UBXN10: variants seen among roughly 807,000 people sequenced by gnomAD.
UBXN10 encodes the protein UBX domain protein 10, also known as UBX domain-containing protein 10.
Under a neutral mutation model 6.9 loss-of-function variants are expected in UBXN10, and 6 were observed. The ratio of observed to expected loss-of-function variants is 0.87; its 90% CI spans 0.48 to 1.72. The LOEUF (loss-of-function observed/expected upper bound fraction) is 1.72. Ranked by LOEUF, UBXN10 falls within the 40% of genes most tolerant of loss-of-function variation. The pLI is 0.01. For missense variants in UBXN10, 317 were observed against 348.4 expected (o/e 0.91, Z 0.72); for synonymous variants, 131 against 135.2 (o/e 0.97, Z 0.21).
Position 20,190,865 on chromosome 1 carries a change from C to G in UBXN10, c.304C>G (p.Gln102Glu), listed in dbSNP as rs2018484018. 1 of 1,614,062 alleles carries G rather than the reference C, an allele frequency of 6.2e-7. No homozygotes were observed. Among genetic ancestry groups the G allele is most frequent in the African/African-American group, 1.3e-5 (1 of 75,038 alleles). Reference protein sequence around the residue: ...ASDEIPELQQQVPTGASSSLN... With the variant: ...ASDEIPELQQEVPTGASSSLN... ...TGATGAGATCCCTGAGCTGCAGCAG[C>G]AAGTACCCACTGGGGCTTCCTCTTC... Residue 102 changes from glutamine (Q) to glutamate (E), a missense_variant, in exon 2 of 2, where the codon CAA (glutamine) becomes GAA (glutamate). By Grantham distance (29) the Gln-to-Glu change is conservative. Transcript: ENST00000375099.
chr1:20,191,052 G>A lies in UBXN10; in HGVS notation c.491G>A (p.Arg164Lys). Reference sequence around the variant, plus strand: ...ATGAAGACAAGTGAAGAAGATTCCAGAGCTCGAGCTTGTGCCGTGGAGAGG... The same window carrying A: ...ATGAAGACAAGTGAAGAAGATTCCAAAGCTCGAGCTTGTGCCGTGGAGAGG... ...GTMKTSEEDS[R>K]ARACAVERKF... Residue 164 changes from arginine (R) to lysine (K), a missense_variant, in exon 2 of 2, where the codon AGA becomes AAA. Physicochemically the swap from Arg to Lys is conservative, Grantham distance 26 (BLOSUM62 2). Coordinates refer to ENST00000375099, the MANE Select transcript of UBXN10 (RefSeq NM_152376.5). This position sits in a 1 kb window ranked among gnomAD's most constrained non-coding sequence, Gnocchi z 4.5. 1 of 1,614,126 alleles carries A rather than the reference G, an allele frequency of 6.2e-7. No individual in the cohort carries two copies. The highest frequency in any genetic ancestry group is 1.7e-5 in the Admixed American group (1 of 60,018).
Position 20,194,448 on chromosome 1 carries a change from G to A in UBXN10, c.*3044G>A, listed in dbSNP as rs1277222505. ...GCCTTCAAGGCAGGGCACTCCTGCGGAAGAGATGGCTTGTGAACATGACTG... is the reference window on the plus strand; with the variant it reads ...GCCTTCAAGGCAGGGCACTCCTGCGAAAGAGATGGCTTGTGAACATGACTG... On this transcript the variant is annotated 3_prime_UTR_variant, in exon 2 of 2. Coordinates refer to ENST00000375099, the MANE Select transcript of UBXN10 (RefSeq NM_152376.5). 1 of 167,108 alleles carries A rather than the reference G, an allele frequency of 6.0e-6. No homozygotes were observed. Among genetic ancestry groups the A allele is most frequent in the East Asian group, 1.9e-4 (1 of 5,200 alleles). 10.4% of individuals were successfully genotyped at this position (167,108 alleles called of 1,614,324 possible). A position where few individuals can be genotyped will look rare whatever the true frequency, so the allele number is the denominator to read the frequency against.
chr1:20,195,654 G>A lies in UBXN10; in HGVS notation c.*4250G>A, dbSNP rs890029111. 1 of 167,126 alleles carries A rather than the reference G, an allele frequency of 6.0e-6. No homozygotes were observed. Among genetic ancestry groups the A allele is most frequent in the Admixed American group, 6.5e-5 (1 of 15,292 alleles). The allele number at this position is 167,126 out of a possible 1,614,324, so 10.4% of individuals were successfully genotyped here. ...ACCACGGCAGCAAAGCACATGGCAG[G>A]CAGGGGAAAGACACTGACCAGCAGG... On this transcript the variant is annotated 3_prime_UTR_variant, in exon 2 of 2. Transcript: ENST00000375099.
chr1:20,189,379 G>A (rs1418337277), intron 1 of UBXN10, among the ~76,000 whole-genome samples: 1 of 152,132 alleles, frequency 6.6e-6, no homozygotes, highest in Non-Finnish European at 1.5e-5. Flanking sequence ...TGGAGATTGG[G>A]AGGAGGAGGT....
Position 20,195,591 on chromosome 1 carries a change from C to T in UBXN10, c.*4187C>T, listed in dbSNP as rs1365135849. ...GACTTAGCTTGACCAATATCGCCAA[C>T]GTGGATTGTTTCTGCAAAAACAAAC... is the stretch of plus-strand genomic sequence containing the variant. On this transcript the variant is annotated 3_prime_UTR_variant, in exon 2 of 2. Coordinates refer to ENST00000375099, the MANE Select transcript of UBXN10 (RefSeq NM_152376.5). 6.0e-6 allele frequency: 1 copy of T among 167,066 alleles called. No individual in the cohort carries two copies. Among genetic ancestry groups the T allele is most frequent in the Non-Finnish European group, 1.5e-5 (1 of 68,122 alleles). 10.3% of individuals were successfully genotyped at this position (167,066 alleles called of 1,614,324 possible). A position where few individuals can be genotyped will look rare whatever the true frequency, so the allele number is the denominator to read the frequency against.
intron 1 of UBXN10, among the ~76,000 whole-genome samples, chr1:20,189,043 A>G (rs1315266070): frequency 1.3e-5 from 2 of 152,200 alleles, no homozygotes; most frequent in African/African-American, 2.4e-5. Context: ...TAATACCTCT[A>G]AGATCATTTA....
At chr1:20,186,673 T>A (rs2018402335) in intron 1 of UBXN10, among the ~76,000 whole-genome samples, 1 of 152,158 alleles carries the variant, frequency 6.6e-6, no homozygotes. Context: ...CCCCACCACC[T>A]CCCTGCCCTT....
rs2018560805 is a variant in UBXN10, at chr1:20,194,000, G to A, written c.*2596G>A. 1 of 167,076 alleles carries A rather than the reference G, an allele frequency of 6.0e-6. No homozygotes were observed. The highest frequency in any genetic ancestry group is 2.4e-5 in the African/African-American group (1 of 41,430). 10.3% of individuals were successfully genotyped at this position (167,076 alleles called of 1,614,324 possible). The stretch of plus-strand genomic sequence containing the variant: ...GAGGGCTTACCCAGTGCCACACTTT[G>A]AGACAAGCATGGGTGTCCTGAAAAG... On this transcript the variant is annotated 3_prime_UTR_variant, in exon 2 of 2. Transcript: ENST00000375099.
intron 1 of UBXN10, among the ~76,000 whole-genome samples, chr1:20,188,357 G>A (rs1319849268): frequency 6.6e-6 from 1 of 152,188 alleles, no homozygotes; most frequent in Non-Finnish European, 1.5e-5. Flanking sequence ...AGACATAGAG[G>A]CCTTTAAAAG....
rs986003864 is a variant in UBXN10, at chr1:20,187,224, C to T, written c.-16+1071C>T. Among the ~76,000 whole-genome samples, 1 of 152,240 alleles carries T rather than the reference C, an allele frequency of 6.6e-6. No homozygotes were observed. Among genetic ancestry groups the T allele is most frequent in the Non-Finnish European group, 1.5e-5 (1 of 68,044 alleles). ...TGGAAACAGTTGGCAGTGTTTGCTT[C>T]CTGACTCCTAGCAGGCCGCTGGGGT... On this transcript the variant is annotated intron_variant, in intron 1 of 1. Transcript: ENST00000375099. The surrounding 1 kb of genome is among the most constrained non-coding windows in gnomAD (Gnocchi z 4.6).
chr1:20,189,660 G>A (rs1221702022), intron 1 of UBXN10, among the ~76,000 whole-genome samples: 1 of 152,114 alleles, frequency 6.6e-6, no homozygotes, highest in Non-Finnish European at 1.5e-5. Context: ...CCTGGGAGGC[G>A]GAGATTGCAA....
rs1258039620 is a variant in UBXN10 at position 20,194,345 on chromosome 1, A to G, written c.*2941A>G. On this transcript the variant is annotated 3_prime_UTR_variant, in exon 2 of 2. Coordinates refer to ENST00000375099, the MANE Select transcript of UBXN10 (RefSeq NM_152376.5). ...AAGTGATTCATCATCTAGAATCCAG[A>G]AAATTTGCACCAACAGATGGCAGGT... The G allele has an allele frequency of 6.0e-6, 1 of 167,100 alleles. No individual in the cohort carries two copies. The highest frequency in any genetic ancestry group is 1.5e-5 in the Non-Finnish European group (1 of 68,122). The allele number at this position is 167,100 out of a possible 1,614,324, so 10.4% of individuals were successfully genotyped here.
Position 20,187,981 on chromosome 1 carries a change from G to T in UBXN10, c.-16+1828G>T, listed in dbSNP as rs1436439649. On this transcript the variant is annotated intron_variant, in intron 1 of 1. Coordinates refer to ENST00000375099, the MANE Select transcript of UBXN10 (RefSeq NM_152376.5). This position sits in a 1 kb window ranked among gnomAD's most constrained non-coding sequence, Gnocchi z 4.6. ...CCTGTGATAATTCTGTAGAAGCTGT[G>T]GCAAATTAATAGCCATTCCACAAGT... Among the ~76,000 whole-genome samples the T allele has an allele frequency of 1.3e-5, 2 of 152,180 alleles. No individual in the cohort carries two copies. The highest frequency in any genetic ancestry group is 4.8e-5 in the African/African-American group (2 of 41,442).
chr1:20,192,845 T>C lies in UBXN10; in HGVS notation c.*1441T>C, dbSNP rs994484148. The C allele has an allele frequency of 4.2e-5, 7 of 167,134 alleles. No homozygotes were observed. Among genetic ancestry groups the C allele is most frequent in the African/African-American group, 1.4e-4 (6 of 41,460 alleles). The allele number at this position is 167,134 out of a possible 1,614,324, so 10.4% of individuals were successfully genotyped here. A position where few individuals can be genotyped will look rare whatever the true frequency, so the allele number is the denominator to read the frequency against. On this transcript the variant is annotated 3_prime_UTR_variant, in exon 2 of 2. Transcript: ENST00000375099. ...GCTGCATGGTTGGGAGTGTTTTTTC[T>C]CGCACGTTGAGGCTTAGTGGAGATG...
At chr1:20,185,070 A>G (rs2018343896), upstream of UBXN10, among the ~76,000 whole-genome samples, 1 of 152,164 alleles carries the variant, frequency 6.6e-6, no homozygotes, top group Non-Finnish European at 1.5e-5. Context: ...GGGGAGGTCC[A>G]GGCTGCAGTG....
chr1:20,185,349 G>A (rs1010423766), upstream of UBXN10, among the ~76,000 whole-genome samples: 1 of 152,176 alleles, frequency 6.6e-6, no homozygotes, highest in Non-Finnish European at 1.5e-5. Flanking sequence ...GTAGGACTCG[G>A]GCAGGGAGGA....
chr1:20,185,626 A>G (rs2018358743), upstream of UBXN10, among the ~76,000 whole-genome samples: 1 of 152,192 alleles, frequency 6.6e-6, no homozygotes, highest in South Asian at 2.1e-4. Flanking sequence ...AAAGGGCTGT[A>G]CTGAGGATGG....
upstream of UBXN10, among the ~76,000 whole-genome samples, chr1:20,183,467 T>C (rs2018308458): frequency 6.6e-6 from 1 of 152,226 alleles, no homozygotes; most frequent in Non-Finnish European, 1.5e-5. Context: ...AAAATTGCTC[T>C]GCTGCTCCTT....
chr1:20,191,334 T>C lies in UBXN10; in HGVS notation c.773T>C (p.Leu258Pro). 1 of 1,614,230 alleles carries C rather than the reference T, an allele frequency of 6.2e-7. No individual in the cohort carries two copies. The highest frequency in any genetic ancestry group is 8.5e-7 in the Non-Finnish European group (1 of 1,180,038). The change falls in exon 2 of 2, where the codon CTG becomes CCG. Residue 258 changes from leucine (L) to proline (P), a missense_variant. Transcript: ENST00000375099. This position sits in a 1 kb window ranked among gnomAD's most constrained non-coding sequence, Gnocchi z 4.5. ...CGATTTTCTGACCTCACCAAATCTCTGCAAGAGTGCAGAATCCCCCACAAG... is the reference window on the plus strand; with the variant it reads ...CGATTTTCTGACCTCACCAAATCTCCGCAAGAGTGCAGAATCCCCCACAAG... ...RRRFSDLTKS[L>P]QECRIPHKSV...
Sources: gnomAD v4.1 joint callset for allele counts (sites outside exome capture counted in the v4.1 genomes callset) on GRCh38, gnomAD v4.1.1 for gene constraint, Gnocchi (gnomAD v3.1) non-coding constraint, MANE v1.5 for transcripts, NCBI Gene and HGNC (gene_info 2026-07-23, HGNC 2026-07-21) for gene names.